Variants in ALK observed in about 807,000 individuals in gnomAD.
ALK encodes ALK receptor tyrosine kinase.
A neutral mutation model predicts 163.1 loss-of-function variants in ALK; 74 were observed. The observed-to-expected ratio is 0.45, with a 90% CI of 0.38 to 0.55. ALK has a LOEUF of 0.55. ALK is among the 20% of genes least tolerant of loss of function. ALK has a pLI of 0.00. For synonymous variants in ALK, 960 were observed against 843.2 expected (o/e 1.14, Z -2.40); for missense variants, 2,063 against 2,105.3 (o/e 0.98, Z 0.39).
At chr2:29,204,684 G>A (rs557922574) in intron 26 of ALK, among the ~76,000 whole-genome samples, 14 of 152,146 alleles carry the variant, frequency 9.2e-5, no homozygotes, top group Admixed American at 7.9e-4. Flanking sequence ...CCACCTCCCA[G>A]GTTCAAGCAT....
chr2:29,724,261 A>G (rs981076078), intron 1 of ALK, among the ~76,000 whole-genome samples: 2 of 152,214 alleles, frequency 1.3e-5, no homozygotes, highest in Non-Finnish European at 2.9e-5. Flanking sequence ...TTTCCTTCCA[A>G]CAATAAAACA....
At chr2:29,360,787 A>G (rs901163914) in intron 5 of ALK, among the ~76,000 whole-genome samples, 1 of 152,218 alleles carries the variant, frequency 6.6e-6, no homozygotes, top group South Asian at 2.1e-4. Context: ...TGAATTAATT[A>G]TACTTAATTT....
At chr2:29,649,215 T>G (rs1229027674) in intron 3 of ALK, among the ~76,000 whole-genome samples, 1 of 113,372 alleles carries the variant, frequency 8.8e-6, no homozygotes, top group African/African-American at 4.9e-5. Context: ...AGTGTGTGTA[T>G]GTGAGAGAGA....
At chr2:29,463,487 T>C (rs1055710871) in intron 4 of ALK, among the ~76,000 whole-genome samples, 2 of 152,114 alleles carry the variant, frequency 1.3e-5, no homozygotes, top group African/African-American at 4.8e-5. Context: ...TACAAAGAAA[T>C]AGAAAGCTGG....
intron 3 of ALK, among the ~76,000 whole-genome samples, chr2:29,540,595 A>ATTTTT (rs766415504): frequency 0.024 from 3,393 of 144,120 alleles, 49 homozygotes; most frequent in Non-Finnish European, 0.037. Context: ...TTTTTTTTAA[A>ATTTTT]AAAAAAAAAC....
intron 15 of ALK, among the ~76,000 whole-genome samples, chr2:29,231,234 A>G (rs1664196683): frequency 6.6e-6 from 1 of 152,188 alleles, no homozygotes; most frequent in South Asian, 2.1e-4. Context: ...GCTACTCGGG[A>G]GGCTGAGGCA....
intron 3 of ALK, among the ~76,000 whole-genome samples, chr2:29,638,055 C>T (rs1053669128): frequency 6.6e-6 from 1 of 152,042 alleles, no homozygotes; most frequent in Non-Finnish European, 1.5e-5. Flanking sequence ...TTTTAGAGGG[C>T]TGTGGAATAT....
intron 25 of ALK, 103 bp downstream of exon 25, chr2:29,209,683 C>T (rs372415996): frequency 3.7e-6 from 3 of 808,998 alleles, no homozygotes; most frequent in East Asian, 2.5e-5. Flanking sequence ...AGAAAGTTGA[C>T]AGGGTACCAG....
chr2:29,400,007 G>C (rs1014658464), intron 4 of ALK, among the ~76,000 whole-genome samples: 2 of 152,164 alleles, frequency 1.3e-5, no homozygotes, highest in African/African-American at 4.8e-5. Context: ...AACTGAGTTA[G>C]GATAACTGGG....
At chr2:29,665,448 C>T (rs997343586) in intron 3 of ALK, among the ~76,000 whole-genome samples, 2 of 152,152 alleles carry the variant, frequency 1.3e-5, no homozygotes, top group Non-Finnish European at 2.9e-5. Flanking sequence ...CTGTCACCTA[C>T]TCCAAACCAT....
chr2:29,296,863 A>G, intron 9 of ALK, 25 bp downstream of exon 9: 1 of 1,613,862 alleles, frequency 6.2e-7, no homozygotes, highest in East Asian at 2.2e-5. Flanking sequence ...GGAGAAGGGT[A>G]TTGGGGGAGA....
rs150791288 is a variant in ALK, at chr2:29,413,851, C to T, written c.1155-29992G>A. Among the ~76,000 whole-genome samples, 510 of 152,042 alleles carry T rather than the reference C, an allele frequency of 3.4e-3. 3 individuals carry two copies. Among genetic ancestry groups the T allele is most frequent in the African/African-American group, 0.011 (439 of 41,494 alleles). On this transcript the variant is annotated intron_variant, in intron 4 of 28. Transcript: ENST00000389048. ...CCCAGCCTAATTTTTATATTTTAGT[C>T]GAGACGGGGTTTCGCCATGTTGGCC...
chr2:29,736,042 A>G (rs1679882697), intron 1 of ALK, among the ~76,000 whole-genome samples: 1 of 152,072 alleles, frequency 6.6e-6, no homozygotes, highest in African/African-American at 2.4e-5. Flanking sequence ...AAGCCAGCCC[A>G]TGACAGCATC....
chr2:29,900,995 G>GAGAGCAAGCAAGCAAGCAAGCA (rs143158227), intron 1 of ALK, among the ~76,000 whole-genome samples: 36 of 148,712 alleles, frequency 2.4e-4, no homozygotes, highest in Admixed American at 7.4e-4. Flanking sequence ...GAGAGAGAGA[G>GAGAGCAAGCAAGCAAGCAAGCA]AGCAAGCAAG....
chr2:29,569,717 AC>A lies in ALK; in HGVS notation c.953-37602del, dbSNP rs1229590473. On this transcript the variant is annotated intron_variant, in intron 3 of 28. Coordinates refer to ENST00000389048, the MANE Select transcript of ALK (RefSeq NM_004304.5). Reference sequence around the variant, plus strand: ...GTGGTGCTGATTCCACCATCAACTGACTAACATGATTATTCTACTAGGGTAT... The same window carrying A: ...GTGGTGCTGATTCCACCATCAACTGATAACATGATTATTCTACTAGGGTAT... Among the ~76,000 whole-genome samples the A allele has an allele frequency of 2.6e-5, 4 of 152,180 alleles. No homozygotes were observed. In the East Asian group the frequency reaches 7.7e-4, roughly 29 times the overall value.
Position 29,193,039 on chromosome 2 carries a change from G to GA in ALK, c.*184dup. 1 of 665,196 alleles carries GA rather than the reference G, an allele frequency of 1.5e-6. No homozygotes were observed. Among genetic ancestry groups the GA allele is most frequent in the Non-Finnish European group, 2.7e-6 (1 of 376,662 alleles). 41.2% of individuals were successfully genotyped at this position (665,196 alleles called of 1,614,324 possible). A position where few individuals can be genotyped will look rare whatever the true frequency, so the allele number is the denominator to read the frequency against. The stretch of plus-strand genomic sequence containing the variant: ...ATATTTTCTTCTTTCGAAAGAATAG[G>GA]ATGAACCCATGCTCAAAACCTTTCT... On this transcript the variant is annotated 3_prime_UTR_variant, in exon 29 of 29. Transcript: ENST00000389048.
At chr2:29,262,929 A>G (rs973113705) in intron 11 of ALK, among the ~76,000 whole-genome samples, 2 of 152,268 alleles carry the variant, frequency 1.3e-5, no homozygotes, top group African/African-American at 2.4e-5. Context: ...GAAAGGTCAC[A>G]GGAAAAACAC....
At chr2:29,899,531 T>C (rs1667355880) in intron 1 of ALK, 1 of 152,130 alleles carries the variant, frequency 6.6e-6, no homozygotes, top group Non-Finnish European at 1.5e-5. Context: ...TCACATGAAA[T>C]ACCACACCCC....
intron 5 of ALK, among the ~76,000 whole-genome samples, chr2:29,369,993 C>T (rs192497310): frequency 7.9e-5 from 12 of 152,242 alleles, no homozygotes; most frequent in Middle Eastern, 3.4e-3. Flanking sequence ...AGTTGACACA[C>T]GTGCACAGTG....
Sources: allele counts gnomAD v4.1 joint callset (sites outside exome capture counted in the v4.1 genomes callset), GRCh38; gene constraint gnomAD v4.1.1; transcripts MANE v1.5; gene names NCBI Gene and HGNC (gene_info 2026-07-23, HGNC 2026-07-21).